The following HEXA variants were observed in gnomAD, a reference collection of about 807,000 sequenced individuals.
HEXA encodes the protein hexosaminidase subunit alpha.
HEXA carries 54 observed loss-of-function variants against 73.3 expected under a neutral mutation model. The ratio of observed to expected loss-of-function variants is 0.74; its 90% CI spans 0.59 to 0.92. The LOEUF (loss-of-function observed/expected upper bound fraction) is 0.92, where lower values mean the gene tolerates loss of function less well. Among genes scored for constraint, HEXA ranks in the 40% least tolerant of loss-of-function variants. The probability of loss-of-function intolerance (pLI) is 0.00; values close to 1 mark genes in which losing one functional copy is unlikely to be tolerated. For synonymous variants in HEXA, 230 were observed against 246.9 expected (o/e 0.93, Z 0.64); for missense variants, 649 against 653.0 (o/e 0.99, Z 0.07).
chr15:72,359,810 C>A (rs2088831327), intron 1 of HEXA: 1 of 150,492 alleles, frequency 6.6e-6, no homozygotes, highest in South Asian at 2.1e-4. Context: ...ATCTTTGGTA[C>A]CCTTCCTTAG....
intron 6 of HEXA, 102 bp downstream of exon 6, chr15:72,351,031 A>C: frequency 1.2e-6 from 1 of 805,982 alleles, no homozygotes; most frequent in East Asian, 2.5e-5. Flanking sequence ...TATTGGTCTA[A>C]AACTGGCTGG....
rs1399270004 is a variant in HEXA, at chr15:72,342,534, A to G, written c.*1543T>C. 6.6e-6 allele frequency: 1 copy of G among 152,286 alleles called. No homozygotes were observed. Among genetic ancestry groups the G allele is most frequent in the Non-Finnish European group, 1.5e-5 (1 of 68,096 alleles). The allele number at this position is 152,286 out of a possible 1,614,324, so 9.4% of individuals were successfully genotyped here. On this transcript the variant is annotated 3_prime_UTR_variant, in exon 14 of 14. Transcript: ENST00000268097. ...TCCTCACCTAAAATGGCTGCGATGC[A>G]TTACTGCCCCCGCCTCTGGCTTACA...
intron 8 of HEXA, 124 bp downstream of exon 8, chr15:72,348,955 G>A (rs1202169644): frequency 2.5e-6 from 2 of 816,046 alleles, no homozygotes; most frequent in Non-Finnish European, 4.3e-6. Flanking sequence ...CCTAAGACCT[G>A]AGCAATGTGA....
At position 72,357,314 on chromosome 15, in the gene HEXA, A is replaced by G. The variant is rs190455307; in HGVS notation, c.254-697T>C. 235 of 157,072 alleles carry G rather than the reference A, an allele frequency of 1.5e-3. 1 individual carries two copies. The highest frequency in any genetic ancestry group is 5.5e-3 in the African/African-American group (229 of 41,574). 9.7% of individuals were successfully genotyped at this position (157,072 alleles called of 1,614,324 possible). A position where few individuals can be genotyped will look rare whatever the true frequency, so the allele number is the denominator to read the frequency against. On this transcript the variant is annotated intron_variant, in intron 1 of 13. Transcript: ENST00000268097. Reference sequence around the variant, plus strand: ...TGATGCAACTGATACCTCAGAGAAGATCAGGGTCACCCACCCATCTTGCTT... The same window carrying G: ...TGATGCAACTGATACCTCAGAGAAGGTCAGGGTCACCCACCCATCTTGCTT...
intron 1 of HEXA, among the ~76,000 whole-genome samples, chr15:72,366,512 C>T (rs1254309245): frequency 6.6e-6 from 1 of 152,030 alleles, no homozygotes; most frequent in Non-Finnish European, 1.5e-5. Flanking sequence ...GGTTTCACCA[C>T]ATTAGCCAAG....
At chr15:72,344,537 T>A (rs185271547) in intron 13 of HEXA, among the ~76,000 whole-genome samples, 3 of 152,164 alleles carry the variant, frequency 2.0e-5, no homozygotes, top group South Asian at 2.1e-4. Flanking sequence ...GCTGTAAATA[T>A]GGTGGCACTG....
chr15:72,355,238 C>A, intron 3 of HEXA: 1 of 369,560 alleles, frequency 2.7e-6, no homozygotes, highest in Admixed American at 3.8e-5. Context: ...ATAAAAAAAG[C>A]TTCCTGGCTG....
intron 1 of HEXA, among the ~76,000 whole-genome samples, chr15:72,365,541 T>C (rs1008298087): frequency 3.3e-5 from 5 of 152,200 alleles, no homozygotes; most frequent in African/African-American, 1.2e-4. Context: ...TCCTTTACGG[T>C]CTCTTTATTT....
intron 3 of HEXA, chr15:72,355,000 T>A (rs2088755181): frequency 6.4e-6 from 1 of 156,520 alleles, no homozygotes; most frequent in Non-Finnish European, 1.4e-5. Context: ...CCTTTCCAAT[T>A]ACATGTCTTT....
intron 1 of HEXA, chr15:72,370,240 G>C: frequency 5.9e-6 from 1 of 169,564 alleles, no homozygotes; most frequent in Non-Finnish European, 1.3e-5. Context: ...GTCCTCCAAT[G>C]TATACTGTGT....
chr15:72,352,940 A>G (rs1226247926), intron 5 of HEXA, 128 bp downstream of exon 5: 3 of 695,338 alleles, frequency 4.3e-6, no homozygotes, highest in Non-Finnish European at 8.0e-6. Flanking sequence ...TTGGGATTAC[A>G]GGCATGAGCC....
At chr15:72,350,234 G>A in intron 7 of HEXA, 1 of 445,584 alleles carries the variant, frequency 2.2e-6, no homozygotes, top group Non-Finnish European at 4.2e-6. Flanking sequence ...ATTCTACCCT[G>A]GTGGTCAGAT....
chr15:72,371,409 C>T (rs941269753), intron 1 of HEXA, among the ~76,000 whole-genome samples: 4 of 151,978 alleles, frequency 2.6e-5, no homozygotes, highest in Admixed American at 2.0e-4. Flanking sequence ...GGGTTCGAGA[C>T]CAGCTGGGGC....
At chr15:72,369,581 A>G (rs2088961590) in intron 1 of HEXA, among the ~76,000 whole-genome samples, 1 of 152,168 alleles carries the variant, frequency 6.6e-6, no homozygotes, top group African/African-American at 2.4e-5. Context: ...TCTGTTGTCC[A>G]GGCTGGAGTG....
chr15:72,368,024 C>T (rs896547017), intron 1 of HEXA, among the ~76,000 whole-genome samples: 9 of 152,138 alleles, frequency 5.9e-5, no homozygotes, highest in African/African-American at 2.2e-4. Context: ...ACTGTAAATT[C>T]TTTAAGGACG....
At position 72,344,114 on chromosome 15, in the gene HEXA, T is replaced by C. The variant is rs1361722813; in HGVS notation, c.1553A>G (p.Asn518Ser). 6 of 1,613,720 alleles carry C rather than the reference T, an allele frequency of 3.7e-6. No homozygotes were observed. Among genetic ancestry groups the C allele is most frequent in the South Asian group, 1.1e-5 (1 of 91,058 alleles). The change falls in exon 14 of 14, where the codon AAT (asparagine) becomes AGT (serine). Residue 518 changes from asparagine to serine, a missense_variant. Asn to Ser is a conservative substitution (Grantham distance 46). Coordinates refer to ENST00000268097, the MANE Select transcript of HEXA (RefSeq NM_000520.6). ...AAACTCCTGCTCACAGAAGCCTACA[T>C]TGAGGGGTTGGGCCTGGACACCTCG... is the stretch of plus-strand genomic sequence containing the variant. The part of the protein sequence containing the change: ...LRRGVQAQPL[N>S]VGFCEQEFEQ...
intron 1 of HEXA, among the ~76,000 whole-genome samples, chr15:72,365,290 G>A (rs1230632535): frequency 6.6e-6 from 1 of 151,982 alleles, no homozygotes; most frequent in East Asian, 1.9e-4. Flanking sequence ...TAGTAGAGAC[G>A]ATGTTTCACC....
In HEXA at chr15:72,346,548, CTA is replaced by C. The variant is rs777042785; in HGVS notation, c.1307_1308del (p.Ile436SerfsTer7). ...TCACCTTCAAATGCCAGGGGTTCCA[CTA>C]TGTAGAAATCCTTCCAGTCAGGGCC... is the stretch of plus-strand genomic sequence containing the variant. ...SYGPDWKDFY[I>X]VEPLAFEGTP... On this transcript the variant is annotated frameshift_variant, in exon 11 of 14. Transcript: ENST00000268097. LOFTEE classifies it high-confidence loss of function. The C allele has an allele frequency of 4.4e-5, 71 of 1,613,906 alleles. No individual in the cohort carries two copies. The highest frequency in any genetic ancestry group is 5.8e-5 in the Non-Finnish European group (68 of 1,179,938).
intron 3 of HEXA, 148 bp from the exon 4 acceptor site, chr15:72,353,885 T>C: frequency 2.8e-6 from 2 of 705,266 alleles, no homozygotes; most frequent in Middle Eastern, 3.3e-4. Flanking sequence ...TTAACACTGA[T>C]GAAAAGGGGA....
Sources: gnomAD v4.1 joint callset for allele counts (sites outside exome capture counted in the v4.1 genomes callset) on GRCh38, gnomAD v4.1.1 for gene constraint, MANE v1.5 for transcripts, NCBI Gene and HGNC (gene_info 2026-07-23, HGNC 2026-07-21) for gene names.